The following DDR2 variants were observed in gnomAD, a reference collection of about 807,000 sequenced individuals.
The protein encoded by DDR2 is discoidin domain-containing receptor 2.
Under a neutral mutation model 94.9 loss-of-function variants are expected in DDR2, and 27 were observed. That is an observed-to-expected ratio of 0.28 (90% CI 0.21 to 0.39). The LOEUF is 0.39. Ranked by LOEUF, DDR2 falls within the 10% of genes least tolerant of loss-of-function variation. DDR2 has a pLI of 1.00. For missense variants in DDR2, 783 were observed against 1,076.0 expected (o/e 0.73, Z 3.81); for synonymous variants, 382 against 377.2 (o/e 1.01, Z -0.15).
chr1:162,643,195 A>G (rs756979280), intron 1 of DDR2, among the ~76,000 whole-genome samples: 5 of 152,038 alleles, frequency 3.3e-5, no homozygotes, highest in Non-Finnish European at 5.9e-5. Flanking sequence ...TCCTAGATCC[A>G]CCAGCGCCCC....
chr1:162,696,172 A>G (rs563735238), intron 2 of DDR2, among the ~76,000 whole-genome samples: 2 of 151,582 alleles, frequency 1.3e-5, no homozygotes, highest in East Asian at 1.9e-4. Context: ...GACAGAAGAC[A>G]TGGAAATGTT....
At chr1:162,719,796 G>T (rs1289453483) in intron 3 of DDR2, among the ~76,000 whole-genome samples, 1 of 152,080 alleles carries the variant, frequency 6.6e-6, no homozygotes, top group Non-Finnish European at 1.5e-5. Context: ...TTGGCTCCTA[G>T]CTGGACTTGT....
At chr1:162,755,417 C>T (rs535468812) in intron 6 of DDR2, 114 bp downstream of exon 6, 1 of 1,381,010 alleles carries the variant, frequency 7.2e-7, no homozygotes, top group African/African-American at 1.4e-5. Context: ...ATGGTGATGC[C>T]CTCTTGGGAA....
intron 14 of DDR2, 37 bp from the exon 15 acceptor site, chr1:162,775,615 C>T (rs371843009): frequency 4.4e-6 from 7 of 1,608,420 alleles, no homozygotes; most frequent in African/African-American, 1.3e-5. Flanking sequence ...CTGACTCTGG[C>T]AACTTCTGAG....
chr1:162,731,641 A>G (rs923126340), intron 3 of DDR2, among the ~76,000 whole-genome samples: 2 of 152,226 alleles, frequency 1.3e-5, no homozygotes, highest in African/African-American at 2.4e-5. Flanking sequence ...AAACCTTTTA[A>G]TTGTTTAAGG....
chr1:162,759,015 A>G (rs186908441), intron 7 of DDR2, among the ~76,000 whole-genome samples: 1 of 152,326 alleles, frequency 6.6e-6, no homozygotes, highest in East Asian at 1.9e-4. Flanking sequence ...AGGCTTCTGG[A>G]AAACTCAGCC....
At position 162,785,682 on chromosome 1, in the gene DDR2, A is replaced by G. The variant is rs1648117073; in HGVS notation, c.*5436A>G. On this transcript the variant is annotated 3_prime_UTR_variant, in exon 18 of 18. Coordinates refer to ENST00000367921, the MANE Select transcript of DDR2 (RefSeq NM_006182.4). ...CATAAGATAGAAACAAAAACTTCTC[A>G]TCCAGTTAACTAGAGTGAATGTAGG... The G allele has an allele frequency of 6.6e-6, 1 of 152,196 alleles. No individual in the cohort carries two copies. The highest frequency in any genetic ancestry group is 1.5e-5 in the Non-Finnish European group (1 of 68,044). The allele number at this position is 152,196 out of a possible 1,614,324, so 9.4% of individuals were successfully genotyped here.
At chr1:162,761,508 T>C in intron 9 of DDR2, 54 bp downstream of exon 9, 3 of 1,613,596 alleles carry the variant, frequency 1.9e-6, no homozygotes, top group Non-Finnish European at 2.5e-6. Flanking sequence ...GAAGGAGGAA[T>C]GCACATGCCC....
chr1:162,654,580 G>C (rs1657865715), intron 1 of DDR2, among the ~76,000 whole-genome samples: 1 of 152,188 alleles, frequency 6.6e-6, no homozygotes, highest in Non-Finnish European at 1.5e-5. Context: ...CTGAAGGAGG[G>C]TGATGGTGCG....
intron 3 of DDR2, among the ~76,000 whole-genome samples, chr1:162,726,097 C>T (rs1007407550): frequency 2.6e-5 from 4 of 152,160 alleles, no homozygotes; most frequent in African/African-American, 9.7e-5. Context: ...GCCTTAAGGG[C>T]TGTTAGGAAG....
At chr1:162,666,309 G>A (rs942585793) in intron 2 of DDR2, among the ~76,000 whole-genome samples, 1 of 152,196 alleles carries the variant, frequency 6.6e-6, no homozygotes, top group African/African-American at 2.4e-5. Context: ...AGCTTGCCTT[G>A]TTCATCTATG....
At chr1:162,773,686 T>C in intron 14 of DDR2, 90 bp downstream of exon 14, 1 of 1,574,446 alleles carries the variant, frequency 6.4e-7, no homozygotes, top group African/African-American at 1.3e-5. Context: ...TTTTTTCTTT[T>C]GAGATGGGAA....
chr1:162,780,033 AAGATACTTC>A, intron 17 of DDR2, 70 bp from the exon 18 acceptor site: 1 of 1,601,794 alleles, frequency 6.2e-7, no homozygotes, highest in East Asian at 2.2e-5. Context: ...CCATGATGCA[AAGATACTTC>A]CCTTTCCCCC....
intron 2 of DDR2, among the ~76,000 whole-genome samples, chr1:162,691,302 C>A (rs926101218): frequency 6.6e-6 from 1 of 152,180 alleles, no homozygotes; most frequent in African/African-American, 2.4e-5. Flanking sequence ...CACTCCAACA[C>A]CCTGCCTTGC....
intron 3 of DDR2, 178 bp downstream of exon 3, chr1:162,719,323 A>G (rs1024880514): frequency 4.5e-5 from 34 of 753,266 alleles, no homozygotes; most frequent in Middle Eastern, 1.3e-3. Context: ...ATATATATGT[A>G]TTTTAATACT....
chr1:162,732,896 G>A (rs942209879), intron 3 of DDR2, among the ~76,000 whole-genome samples: 1 of 152,254 alleles, frequency 6.6e-6, no homozygotes, highest in Admixed American at 6.5e-5. Flanking sequence ...GGGAAGCTGG[G>A]GACTGGTGGC....
chr1:162,683,735 CAGAG>C (rs759945789), intron 2 of DDR2, among the ~76,000 whole-genome samples: 10 of 151,716 alleles, frequency 6.6e-5, no homozygotes, highest in Non-Finnish European at 1.3e-4. Context: ...TCTAAATAAA[CAGAG>C]AGACATACTA....
intron 3 of DDR2, among the ~76,000 whole-genome samples, chr1:162,739,398 C>G (rs564618889): frequency 1.8e-3 from 270 of 152,222 alleles, no homozygotes; most frequent in Admixed American, 3.4e-3. Flanking sequence ...CCTCCGCCTC[C>G]CAGATTCAAG....
chr1:162,747,515 T>A (rs1197571146), intron 3 of DDR2, among the ~76,000 whole-genome samples: 1 of 151,556 alleles, frequency 6.6e-6, no homozygotes, highest in Non-Finnish European at 1.5e-5. Flanking sequence ...AGATCAAATC[T>A]ACATCTGACT....
Sources: gnomAD v4.1 joint callset for allele counts (sites outside exome capture counted in the v4.1 genomes callset) on GRCh38, gnomAD v4.1.1 for gene constraint, MANE v1.5 for transcripts, NCBI Gene and HGNC (gene_info 2026-07-23, HGNC 2026-07-21) for gene names.